The following TAF4B variants were observed in gnomAD, a reference collection of about 807,000 sequenced individuals.
TAF4B encodes the protein TATA-box binding protein associated factor 4b.
Under a neutral mutation model 86.4 loss-of-function variants are expected in TAF4B, and 38 were observed. The observed-to-expected ratio is 0.44, with a 90% CI of 0.34 to 0.58. The LOEUF is 0.58. Ranked by LOEUF, TAF4B falls within the 20% of genes least tolerant of loss-of-function variation. The probability of loss-of-function intolerance (pLI) is 0.02; values close to 1 mark genes in which losing one functional copy is unlikely to be tolerated. For synonymous variants in TAF4B, 388 were observed against 391.2 expected, an observed-to-expected ratio of 0.99 and a Z score of 0.10; for missense variants, 988 against 1,027.6, an observed-to-expected ratio of 0.96 and a Z score of 0.53.
intron 14 of TAF4B, among the ~76,000 whole-genome samples, chr18:26,378,004 G>GT (rs1182104169): frequency 6.6e-6 from 1 of 152,182 alleles, no homozygotes; most frequent in African/African-American, 2.4e-5. Flanking sequence ...ATTAAGTCTA[G>GT]TAATTAGATG....
intron 1 of TAF4B, among the ~76,000 whole-genome samples, chr18:26,236,027 G>A (rs914869417): frequency 1.3e-5 from 2 of 152,204 alleles, no homozygotes; most frequent in African/African-American, 4.8e-5. Flanking sequence ...AGGAAAAGTG[G>A]TGGGGTCTTT....
At chr18:26,326,993 T>C (rs926447084) in intron 11 of TAF4B, 22 bp from the exon 12 acceptor site, 10 of 1,608,588 alleles carry the variant, frequency 6.2e-6, no homozygotes, top group Middle Eastern at 1.8e-4. Flanking sequence ...TATAAGACTT[T>C]CTGTTTTCTT....
intron 2 of TAF4B, chr18:26,266,961 A>G (rs555670614): frequency 2.0e-5 from 3 of 152,290 alleles, no homozygotes; most frequent in African/African-American, 7.2e-5. Flanking sequence ...CATTTTCTTG[A>G]TGAATCAGGC....
intron 9 of TAF4B, among the ~76,000 whole-genome samples, chr18:26,304,195 T>C (rs1361825193): frequency 7.2e-6 from 1 of 138,000 alleles, no homozygotes; most frequent in Non-Finnish European, 1.6e-5. Flanking sequence ...GCTTTGAAGA[T>C]GTTATTCCAT....
At chr18:26,343,504 CGTT>C (rs1233587878) in intron 13 of TAF4B, among the ~76,000 whole-genome samples, 1 of 152,158 alleles carries the variant, frequency 6.6e-6, no homozygotes, top group Non-Finnish European at 1.5e-5. Flanking sequence ...ACTGAGCTGA[CGTT>C]GTAGCCACAG....
chr18:26,264,745 C>T (rs2056215206), intron 1 of TAF4B, among the ~76,000 whole-genome samples: 1 of 152,196 alleles, frequency 6.6e-6, no homozygotes, highest in South Asian at 2.1e-4. Flanking sequence ...AATTGACCAG[C>T]CCCACTTACT....
intron 1 of TAF4B, chr18:26,256,213 A>T: frequency 3.1e-6 from 5 of 1,606,238 alleles, no homozygotes; most frequent in Non-Finnish European, 4.3e-6. Context: ...ATGTCTCCTG[A>T]AGGAGTCTCA....
chr18:26,257,459 C>T (rs1056467440), intron 1 of TAF4B, among the ~76,000 whole-genome samples: 1 of 152,102 alleles, frequency 6.6e-6, no homozygotes, highest in African/African-American at 2.4e-5. Flanking sequence ...TTGTAAGGAG[C>T]ATATAGTTGA....
At position 26,335,243 on chromosome 18, in the gene TAF4B, A is replaced by G. The variant is rs1673581569; in HGVS notation, c.2316+12A>G. Reference sequence around the variant, plus strand: ...AGAAAGCCAAAGAGGTAGGACTTTCAAGTTACCATGCTTGTCTTTGTGTTT... The same window carrying G: ...AGAAAGCCAAAGAGGTAGGACTTTCGAGTTACCATGCTTGTCTTTGTGTTT... On this transcript the variant is annotated intron_variant, in intron 13 of 14. Coordinates refer to ENST00000269142, the MANE Select transcript of TAF4B (RefSeq NM_005640.3). 2 of 1,611,632 alleles carry G rather than the reference A, an allele frequency of 1.2e-6. No individual in the cohort carries two copies. The highest frequency in any genetic ancestry group is 1.7e-5 in the Admixed American group (1 of 59,978).
At chr18:26,309,823 ATTTATTT>A (rs1387867332) in intron 9 of TAF4B, among the ~76,000 whole-genome samples, 21 of 151,852 alleles carry the variant, frequency 1.4e-4, no homozygotes, top group Admixed American at 9.2e-4. Flanking sequence ...TCCTATTAAT[ATTTATTT>A]TTTATTTTTT....
At chr18:26,308,888 A>AG (rs2056824916) in intron 9 of TAF4B, among the ~76,000 whole-genome samples, 1 of 151,360 alleles carries the variant, frequency 6.6e-6, no homozygotes, top group Non-Finnish European at 1.5e-5. Context: ...TCAAAAAAAA[A>AG]AAAAAAAAAA....
chr18:26,292,076 C>G (rs1260851578), intron 7 of TAF4B, among the ~76,000 whole-genome samples, 170 bp from the exon 8 acceptor site: 2 of 152,130 alleles, frequency 1.3e-5, no homozygotes, highest in African/African-American at 4.8e-5. Flanking sequence ...TAACGTTTTT[C>G]ACTTTTGAAC....
intron 14 of TAF4B, among the ~76,000 whole-genome samples, chr18:26,372,680 A>G (rs1359827215): frequency 6.6e-6 from 1 of 152,122 alleles, no homozygotes; most frequent in African/African-American, 2.4e-5. Flanking sequence ...ATCAAAAAAT[A>G]ATAACACCGG....
At chr18:26,228,669 A>G (rs185491049) in intron 1 of TAF4B, among the ~76,000 whole-genome samples, 154 of 151,000 alleles carry the variant, frequency 1.0e-3, no homozygotes, top group Middle Eastern at 3.5e-3. Flanking sequence ...AGGCTAAGGC[A>G]CGAGAATCGC....
chr18:26,358,975 A>G (rs62085450), intron 14 of TAF4B, among the ~76,000 whole-genome samples: 16,952 of 152,174 alleles, frequency 0.11, 969 homozygotes, highest in Middle Eastern at 0.14. Context: ...TTCATTTTAA[A>G]TGTAACATAT....
chr18:26,317,080 A>G (rs1435224461), intron 10 of TAF4B, among the ~76,000 whole-genome samples: 2 of 142,188 alleles, frequency 1.4e-5, no homozygotes, highest in East Asian at 2.1e-4. Flanking sequence ...CCCAGGCTGC[A>G]GTGCAGTGGC....
At chr18:26,242,814 T>C (rs906971926) in intron 1 of TAF4B, among the ~76,000 whole-genome samples, 2 of 152,200 alleles carry the variant, frequency 1.3e-5, no homozygotes, top group African/African-American at 4.8e-5. Context: ...TGTTTGTCTG[T>C]AAAGGATTTT....
chr18:26,387,527 T>A (rs1486343641), intron 14 of TAF4B, among the ~76,000 whole-genome samples: 1 of 152,226 alleles, frequency 6.6e-6, no homozygotes, highest in Admixed American at 6.5e-5. Context: ...AAGTTACATC[T>A]GAGTTACACC....
chr18:26,385,679 G>GTT (rs34188640), intron 14 of TAF4B, among the ~76,000 whole-genome samples: 23,080 of 107,184 alleles, frequency 0.22, 2,372 homozygotes, highest in East Asian at 0.6. Flanking sequence ...AATAAACAGC[G>GTT]TTTTTTTTTT....
Sources: allele counts gnomAD v4.1 joint callset (sites outside exome capture counted in the v4.1 genomes callset), GRCh38; gene constraint gnomAD v4.1.1; transcripts MANE v1.5; gene names NCBI Gene and HGNC (gene_info 2026-07-23, HGNC 2026-07-21).